Variants in NRCAM observed in about 807,000 individuals in gnomAD.
NRCAM encodes neuronal cell adhesion molecule.
NRCAM carries 83 observed loss-of-function variants against 156.5 expected under a neutral mutation model. The ratio of observed to expected loss-of-function variants is 0.53; its 90% CI spans 0.44 to 0.64. NRCAM has a LOEUF of 0.64. NRCAM is among the 30% of genes least tolerant of loss of function. The pLI is 0.00. For synonymous variants in NRCAM, 538 were observed against 563.9 expected, an observed-to-expected ratio of 0.95 and a Z score of 0.65; for missense variants, 1,417 against 1,597.3, an observed-to-expected ratio of 0.89 and a Z score of 1.92.
chr7:108,217,512 C>T (rs550374636), intron 11 of NRCAM, among the ~76,000 whole-genome samples: 4 of 152,202 alleles, frequency 2.6e-5, no homozygotes, highest in Admixed American at 6.5e-5. Flanking sequence ...GCTGAAGCTG[C>T]GCCCACAGCT....
chr7:108,403,804 C>A (rs1433786673), intron 1 of NRCAM, among the ~76,000 whole-genome samples: 1 of 152,152 alleles, frequency 6.6e-6, no homozygotes, highest in Non-Finnish European at 1.5e-5. Flanking sequence ...CTTCAACCTT[C>A]CCTGAGGCAA....
At chr7:108,443,487 G>T (rs1598292655) in intron 1 of NRCAM, among the ~76,000 whole-genome samples, 1 of 152,148 alleles carries the variant, frequency 6.6e-6, no homozygotes, top group Non-Finnish European at 1.5e-5. Flanking sequence ...TTTTTACCCT[G>T]CCCCACTGAA....
chr7:108,334,390 CTT>C (rs1467834980), intron 2 of NRCAM, among the ~76,000 whole-genome samples: 3 of 152,212 alleles, frequency 2.0e-5, no homozygotes, highest in Admixed American at 2.0e-4. Context: ...TCTTTGGTCT[CTT>C]ATTCAAAATC....
At chr7:108,180,182 C>T (rs746651590) in intron 25 of NRCAM, 41 bp downstream of exon 25, 5 of 1,565,760 alleles carry the variant, frequency 3.2e-6, no homozygotes, top group Non-Finnish European at 4.4e-6. Context: ...TCAGGCCATG[C>T]CATATGTTCC....
At chr7:108,193,215 T>C (rs765037540) in intron 17 of NRCAM, among the ~76,000 whole-genome samples, 3 of 152,046 alleles carry the variant, frequency 2.0e-5, no homozygotes, top group Non-Finnish European at 2.9e-5. Context: ...CAAATAAAAT[T>C]GACTAGTTCA....
At chr7:108,378,497 T>A (rs560183184) in intron 2 of NRCAM, among the ~76,000 whole-genome samples, 1 of 152,032 alleles carries the variant, frequency 6.6e-6, no homozygotes, top group Non-Finnish European at 1.5e-5. Flanking sequence ...ACATTTATAA[T>A]AGGACCTCTA....
At chr7:108,217,909 C>T (rs1588717215) in intron 11 of NRCAM, among the ~76,000 whole-genome samples, 1 of 152,104 alleles carries the variant, frequency 6.6e-6, no homozygotes, top group Non-Finnish European at 1.5e-5. Flanking sequence ...GCTTCAGCTC[C>T]CTTTCCAGGG....
At chr7:108,322,896 T>A (rs2099019377) in intron 2 of NRCAM, among the ~76,000 whole-genome samples, 1 of 152,140 alleles carries the variant, frequency 6.6e-6, no homozygotes, top group African/African-American at 2.4e-5. Flanking sequence ...AATAAAGCAA[T>A]CAAATTATGA....
chr7:108,180,456 T>G, intron 24 of NRCAM, 29 bp from the exon 25 acceptor site: 2 of 1,576,836 alleles, frequency 1.3e-6, no homozygotes, highest in Non-Finnish European at 1.7e-6. Context: ...AAGTCAGGAA[T>G]GCAGAAAGGA....
chr7:108,224,429 T>G (rs1428269187), intron 10 of NRCAM, among the ~76,000 whole-genome samples: 2 of 151,982 alleles, frequency 1.3e-5, no homozygotes, highest in Non-Finnish European at 2.9e-5. Context: ...AGAATAATGG[T>G]GGAGTTAAAT....
At chr7:108,301,459 T>C (rs1211249065) in intron 3 of NRCAM, among the ~76,000 whole-genome samples, 1 of 152,162 alleles carries the variant, frequency 6.6e-6, no homozygotes, top group African/African-American at 2.4e-5. Flanking sequence ...ACCTGGGAAG[T>C]CATTAGCACC....
intron 27 of NRCAM, among the ~76,000 whole-genome samples, chr7:108,176,163 C>T (rs558364594): frequency 6.6e-6 from 1 of 152,148 alleles, no homozygotes; most frequent in Middle Eastern, 3.4e-3. Context: ...CCCTGAACTT[C>T]AAATTCAAGT....
rs539562863 is a variant in NRCAM, at chr7:108,396,458, C to T, written c.-174+2978G>A. On this transcript the variant is annotated intron_variant, in intron 2 of 32. Transcript: ENST00000379028. The stretch of plus-strand genomic sequence containing the variant: ...AATGCAGCGTTTCCATAAATTCATC[C>T]TCTACACATAAAACTCACAGTAGAT... Among the ~76,000 whole-genome samples, 15 of 152,296 alleles carry T rather than the reference C, an allele frequency of 9.8e-5. No homozygotes were observed. In the East Asian group the frequency reaches 2.7e-3, roughly 27 times the overall value.
At chr7:108,407,313 G>C (rs1051204592) in intron 1 of NRCAM, among the ~76,000 whole-genome samples, 2 of 152,060 alleles carry the variant, frequency 1.3e-5, no homozygotes, top group African/African-American at 4.8e-5. Flanking sequence ...TTTAATCGCT[G>C]CCCTAATATT....
chr7:108,301,990 A>G, intron 3 of NRCAM, among the ~76,000 whole-genome samples: 1 of 152,002 alleles, frequency 6.6e-6, no homozygotes. Flanking sequence ...TTTCACAGAA[A>G]TATCACCTTA....
chr7:108,160,720 T>G (rs554269240), intron 30 of NRCAM, among the ~76,000 whole-genome samples: 118 of 152,330 alleles, frequency 7.7e-4, no homozygotes, highest in African/African-American at 2.7e-3. Context: ...AATCATCACA[T>G]TAAATGCTAA....
intron 3 of NRCAM, among the ~76,000 whole-genome samples, chr7:108,289,383 G>A (rs2098214951): frequency 1.3e-5 from 2 of 152,114 alleles, no homozygotes; most frequent in Non-Finnish European, 2.9e-5. Context: ...CTGTCATCGT[G>A]TGGTGAAAAT....
chr7:108,276,053 T>C (rs1056151256), intron 3 of NRCAM, among the ~76,000 whole-genome samples: 1 of 152,188 alleles, frequency 6.6e-6, no homozygotes, highest in Admixed American at 6.5e-5. Context: ...TTTGAGTGAG[T>C]TTCTTAATCC....
Position 108,231,019 on chromosome 7 carries a change from A to G in NRCAM, c.550+12T>C, listed in dbSNP as rs745759302. 4 of 1,588,684 alleles carry G rather than the reference A, an allele frequency of 2.5e-6. No individual in the cohort carries two copies. The Admixed American group carries it at 6.8e-5, about 27-fold the overall frequency. ...CTTTTAAAGAAAGAAAGTTCATATTATCAAAACTTACAATTATCCATCCAA... is the reference window on the plus strand; with the variant it reads ...CTTTTAAAGAAAGAAAGTTCATATTGTCAAAACTTACAATTATCCATCCAA... On this transcript the variant is annotated intron_variant, in intron 8 of 32. Transcript: ENST00000379028.
Sources: gnomAD v4.1 joint callset for allele counts (sites outside exome capture counted in the v4.1 genomes callset) on GRCh38, gnomAD v4.1.1 for gene constraint, MANE v1.5 for transcripts, NCBI Gene and HGNC (gene_info 2026-07-23, HGNC 2026-07-21) for gene names.